Variants in FAM124A observed in about 807,000 individuals in gnomAD.
The protein encoded by FAM124A is family with sequence similarity 124 member A.
A neutral mutation model predicts 24.5 loss-of-function variants in FAM124A; 23 were observed. That is an observed-to-expected ratio of 0.94 (90% CI 0.68 to 1.33). The LOEUF (loss-of-function observed/expected upper bound fraction) is 1.33, where lower values mean the gene tolerates loss of function less well. Ranked by LOEUF, FAM124A falls within the 40% of genes most tolerant of loss-of-function variation. The probability of loss-of-function intolerance (pLI) is 0.00; values close to 1 mark genes in which losing one functional copy is unlikely to be tolerated. For synonymous variants in FAM124A, 287 were observed against 314.7 expected, an observed-to-expected ratio of 0.91 and a Z score of 0.93; for missense variants, 623 against 722.8, an observed-to-expected ratio of 0.86 and a Z score of 1.58.
intron 2 of FAM124A, chr13:51,245,178 C>T: frequency 2.3e-6 from 1 of 436,374 alleles, no homozygotes; most frequent in Middle Eastern, 3.7e-4. Context: ...GTCTGATTTA[C>T]ATAGGGCACA....
rs780570797 is a variant in FAM124A at position 51,225,976 on chromosome 13, CTTTTTTTTTTTTTTTTTT to C, written c.68+3425_68+3442del. 4.1e-4 allele frequency among the ~76,000 whole-genome samples: 28 copies of C among 67,580 alleles called. No individual in the cohort carries two copies. In the South Asian group the frequency reaches 4.4e-3, roughly 11 times the overall value. 44.3% of individuals were successfully genotyped at this position (67,580 alleles called of 152,430 possible). ...ATCTGTAATGTTGCTTGCTTGCTTT[CTTTTTTTTTTTTTTTTTT>C]TTTTTTTTTTTTTTTTTAACAGACA... On this transcript the variant is annotated intron_variant, in intron 1 of 3. Coordinates refer to ENST00000322475, the MANE Select transcript of FAM124A (RefSeq NM_001242312.2).
At chr13:51,249,344 A>G (rs1954596812) in intron 2 of FAM124A, among the ~76,000 whole-genome samples, 1 of 152,210 alleles carries the variant, frequency 6.6e-6, no homozygotes, top group Admixed American at 6.5e-5. Flanking sequence ...GCCAGCAGGA[A>G]GGAAAAAGAG....
rs772872428 is a variant in FAM124A at position 51,251,835 on chromosome 13, G to A, written c.468G>A (p.Gly156=). The A allele has an allele frequency of 4.4e-6, 7 of 1,608,608 alleles. No individual in the cohort carries two copies. The Admixed American group carries it at 1.2e-4, about 27-fold the overall frequency. ...CSQDFFTLAP[G]TPLWAIRPVH... ...AGGACTTCTTCACGCTGGCCCCTGG[G>A]ACGCCGCTTTGGGCCATCCGGCCCG... The change falls in exon 3 of 4, where the codon GGG becomes GGA. Residue 156 remains glycine (G), a synonymous_variant. Coordinates refer to ENST00000322475, the MANE Select transcript of FAM124A (RefSeq NM_001242312.2). This position sits in a 1 kb window ranked among gnomAD's most constrained non-coding sequence, Gnocchi z 5.3.
chr13:51,222,410 G>C lies in FAM124A; in HGVS notation c.-92G>C. 9.1e-7 allele frequency: 1 copy of C among 1,093,056 alleles called. No individual in the cohort carries two copies. Among genetic ancestry groups the C allele is most frequent in the South Asian group, 4.5e-5 (1 of 22,306 alleles). The allele number at this position is 1,093,056 out of a possible 1,614,324, so 67.7% of individuals were successfully genotyped here. A position where few individuals can be genotyped will look rare whatever the true frequency, so the allele number is the denominator to read the frequency against. On this transcript the variant is annotated 5_prime_UTR_variant, in exon 1 of 4. Coordinates refer to ENST00000322475, the MANE Select transcript of FAM124A (RefSeq NM_001242312.2). ...CTCCCGGGCCGCCAGACGCTCGGAG[G>C]GAGCCCGGCCGGCTCGGACTGGGCG... is the stretch of plus-strand genomic sequence containing the variant.
In FAM124A at chr13:51,281,391, C is replaced by T. The variant is rs1430721997; in HGVS notation, c.*135C>T. Reference sequence around the variant, plus strand: ...GAGCCCGTAGCACATTTGCCTACCACCCACTCTTAGCTGGGGGGTGGTATA... The same window carrying T: ...GAGCCCGTAGCACATTTGCCTACCATCCACTCTTAGCTGGGGGGTGGTATA... On this transcript the variant is annotated 3_prime_UTR_variant, in exon 4 of 4. Coordinates refer to ENST00000322475, the MANE Select transcript of FAM124A (RefSeq NM_001242312.2). 6.0e-6 allele frequency: 5 copies of T among 838,230 alleles called. No individual in the cohort carries two copies. The highest frequency in any genetic ancestry group is 6.5e-5 in the Admixed American group (2 of 30,776). 51.9% of individuals were successfully genotyped at this position (838,230 alleles called of 1,614,324 possible).
At chr13:51,254,954 A>G (rs1298038253) in intron 3 of FAM124A, among the ~76,000 whole-genome samples, 1 of 152,148 alleles carries the variant, frequency 6.6e-6, no homozygotes, top group Non-Finnish European at 1.5e-5. Flanking sequence ...CAGATGAAAA[A>G]ACAGAACAGA....
chr13:51,269,374 G>A (rs1009877411), intron 3 of FAM124A, among the ~76,000 whole-genome samples: 4 of 152,188 alleles, frequency 2.6e-5, no homozygotes, highest in African/African-American at 9.7e-5. Context: ...TAAGACAAGA[G>A]GTCAACCTTG....
At chr13:51,236,380 C>G (rs553710395) in intron 2 of FAM124A, among the ~76,000 whole-genome samples, 1 of 152,226 alleles carries the variant, frequency 6.6e-6, no homozygotes, top group Non-Finnish European at 1.5e-5. Context: ...GCTGCCTTCT[C>G]CCTTTAGTTT....
chr13:51,276,943 C>T (rs1186569662), intron 3 of FAM124A, among the ~76,000 whole-genome samples: 1 of 152,178 alleles, frequency 6.6e-6, no homozygotes, highest in African/African-American at 2.4e-5. Flanking sequence ...TCATGAGACT[C>T]TGCCAGGGCT....
intron 3 of FAM124A, among the ~76,000 whole-genome samples, chr13:51,275,207 T>C (rs1252890828): frequency 1.1e-5 from 1 of 93,800 alleles, no homozygotes; most frequent in Non-Finnish European, 2.1e-5. Flanking sequence ...ACCCTGTATA[T>C]ACAAAAAAAA....
chr13:51,227,322 C>A (rs1442226471), intron 1 of FAM124A: 23 of 152,156 alleles, frequency 1.5e-4, no homozygotes. Context: ...AGTATGCTTC[C>A]CACCTAGTGA....
intron 2 of FAM124A, among the ~76,000 whole-genome samples, chr13:51,247,773 G>C (rs980878249): frequency 6.6e-6 from 1 of 152,334 alleles, no homozygotes; most frequent in Admixed American, 6.5e-5. Flanking sequence ...CCAGAGAAAA[G>C]TGAAATCCAT....
chr13:51,222,726 T>A (rs1316480201), intron 1 of FAM124A, among the ~76,000 whole-genome samples, 157 bp downstream of exon 1: 1 of 152,004 alleles, frequency 6.6e-6, no homozygotes, highest in Non-Finnish European at 1.5e-5. Flanking sequence ...CGGGCCGCGC[T>A]GCCCTGGGCA....
intron 3 of FAM124A, among the ~76,000 whole-genome samples, chr13:51,274,640 G>A (rs971159506): frequency 4.6e-5 from 7 of 151,968 alleles, no homozygotes; most frequent in Middle Eastern, 3.2e-3. Context: ...TATGATTTAT[G>A]ATATATAGGC....
Position 51,252,037 on chromosome 13 carries a change from A to T in FAM124A, c.670A>T (p.Arg224Ter). Residue 224 changes from arginine to a stop codon, truncating the protein, a stop_gained, in exon 3 of 4, where the codon AGA becomes TGA. Coordinates refer to ENST00000322475, the MANE Select transcript of FAM124A (RefSeq NM_001242312.2). LOFTEE classifies it high-confidence loss of function. ...TGTGGACATCCAGTTCTCCCTGAAAAGACTGCCCTGTGACCAGTGCCCGGT... is the reference window on the plus strand; with the variant it reads ...TGTGGACATCCAGTTCTCCCTGAAATGACTGCCCTGTGACCAGTGCCCGGT... ...LDVDIQFSLK[R>*]LPCDQCPVPT... 6.2e-7 allele frequency: 1 copy of T among 1,614,184 alleles called. No individual in the cohort carries two copies. Among genetic ancestry groups the T allele is most frequent in the East Asian group, 2.2e-5 (1 of 44,874 alleles).
chr13:51,277,399 G>T (rs966252195), intron 3 of FAM124A, among the ~76,000 whole-genome samples: 1 of 152,132 alleles, frequency 6.6e-6, no homozygotes, highest in African/African-American at 2.4e-5. Context: ...TCACTATTTG[G>T]GTGATGGGTA....
At chr13:51,231,522 T>A in intron 2 of FAM124A, 143 bp downstream of exon 2, 1 of 848,576 alleles carries the variant, frequency 1.2e-6, no homozygotes, top group Non-Finnish European at 1.8e-6. Context: ...CAGGATGCTG[T>A]AACTCTGGAA....
chr13:51,257,580 C>G (rs1954688620), intron 3 of FAM124A, among the ~76,000 whole-genome samples: 1 of 152,154 alleles, frequency 6.6e-6, no homozygotes, highest in South Asian at 2.1e-4. Flanking sequence ...ATGGCCCTTC[C>G]AGTCCCTTCC....
intron 2 of FAM124A, among the ~76,000 whole-genome samples, chr13:51,233,568 AGCGGGGAG>A (rs1365571096): frequency 6.6e-6 from 1 of 151,988 alleles, no homozygotes; most frequent in African/African-American, 2.4e-5. Context: ...GGTAGGGGGA[AGCGGGGAG>A]GCTTGACTGT....
Sources: allele counts gnomAD v4.1 joint callset (sites outside exome capture counted in the v4.1 genomes callset), GRCh38; gene constraint gnomAD v4.1.1; non-coding constraint Gnocchi (gnomAD v3.1); transcripts MANE v1.5; gene names NCBI Gene and HGNC (gene_info 2026-07-23, HGNC 2026-07-21).